Variants in EVC observed in about 807,000 individuals in gnomAD.
EVC encodes evC complex member EVC.
A neutral mutation model predicts 118.9 loss-of-function variants in EVC; 116 were observed. The observed-to-expected ratio is 0.98, with a 90% CI of 0.84 to 1.14. EVC has a LOEUF of 1.14. EVC is among the 50% of genes most tolerant of loss of function. The pLI, the probability that EVC is intolerant of heterozygous loss-of-function variation, is 0.00. For missense variants in EVC, 1,401 were observed against 1,246.4 expected (o/e 1.12, Z -1.87); for synonymous variants, 619 against 534.7 (o/e 1.16, Z -2.18).
At chr4:5,735,799 G>A (rs1016164669) in intron 5 of EVC, among the ~76,000 whole-genome samples, 2 of 152,130 alleles carry the variant, frequency 1.3e-5, no homozygotes, top group African/African-American at 4.8e-5. Flanking sequence ...CATGTTAAAG[G>A]TGCTCAGGAG....
chr4:5,818,974 A>G (rs1718084122), downstream of EVC, among the ~76,000 whole-genome samples: 1 of 152,186 alleles, frequency 6.6e-6, no homozygotes, highest in Non-Finnish European at 1.5e-5. Context: ...TTGGCAGCAC[A>G]CTTCTGGACC....
chr4:5,782,373 C>T (rs2152282668), intron 11 of EVC, among the ~76,000 whole-genome samples: 1 of 147,812 alleles, frequency 6.8e-6, no homozygotes, highest in Admixed American at 6.8e-5. Flanking sequence ...CCATGCGCAG[C>T]TATCTGTAAG....
intron 11 of EVC, among the ~76,000 whole-genome samples, chr4:5,774,914 A>G (rs1191220259): frequency 6.6e-6 from 1 of 152,158 alleles, no homozygotes; most frequent in Admixed American, 6.5e-5. Flanking sequence ...GATGTGTTTT[A>G]TGGCCTGTCA....
chr4:5,781,007 A>G (rs190248827), intron 11 of EVC, among the ~76,000 whole-genome samples: 50 of 152,346 alleles, frequency 3.3e-4, no homozygotes, highest in Admixed American at 6.5e-4. Context: ...TCTTGAGCTT[A>G]GAGTCCAGGG....
rs1475091780 is a variant in EVC at position 5,754,062 on chromosome 4, G to A, written c.1464+129G>A. ...TCTGCCTACTTCCCATGTGTCAGCC[G>A]AGTGACCGAATCTCAGTCCCTTAGC... On this transcript the variant is annotated intron_variant, in intron 10 of 20. Transcript: ENST00000264956. This position sits in a 1 kb window ranked among gnomAD's most constrained non-coding sequence, Gnocchi z 5.8. 1.9e-5 allele frequency: 23 copies of A among 1,220,304 alleles called. No homozygotes were observed. Among genetic ancestry groups the A allele is most frequent in the Middle Eastern group, 2.7e-4 (1 of 3,734 alleles). The allele number at this position is 1,220,304 out of a possible 1,614,324, so 75.6% of individuals were successfully genotyped here.
chr4:5,745,409 GA>G lies in EVC; in HGVS notation c.939+69del, dbSNP rs1729223255. On this transcript the variant is annotated intron_variant, in intron 7 of 20. Coordinates refer to ENST00000264956, the MANE Select transcript of EVC (RefSeq NM_153717.3). The stretch of plus-strand genomic sequence containing the variant: ...TAAAACAGTTAAATTGGCTACATTA[GA>G]GAGATGATAGTTAGAAGTGTGCCTA... The G allele has an allele frequency of 3.3e-6, 5 of 1,522,540 alleles. No homozygotes were observed. In the South Asian group the frequency reaches 5.6e-5, roughly 17 times the overall value. The allele number at this position is 1,522,540 out of a possible 1,614,324, so 94.3% of individuals were successfully genotyped here. A position where few individuals can be genotyped will look rare whatever the true frequency, so the allele number is the denominator to read the frequency against.
intron 9 of EVC, among the ~76,000 whole-genome samples, chr4:5,753,324 G>A (rs141164640): frequency 3.9e-5 from 6 of 152,338 alleles, no homozygotes; most frequent in South Asian, 2.1e-4. Context: ...GAGTCCCCAC[G>A]TCCTGCAGCA....
chr4:5,759,250 A>T, intron 11 of EVC, among the ~76,000 whole-genome samples: 1 of 130,476 alleles, frequency 7.7e-6, no homozygotes, highest in East Asian at 2.2e-4. Flanking sequence ...ACTGCAGGAG[A>T]CGTTGCCTAC....
intron 17 of EVC, among the ~76,000 whole-genome samples, chr4:5,807,571 C>T (rs529776759): frequency 1.3e-5 from 2 of 152,112 alleles, no homozygotes; most frequent in African/African-American, 2.4e-5. Flanking sequence ...TGCTTAGGAA[C>T]GGAGGGCATC....
intron 12 of EVC, 60 bp from the exon 13 acceptor site, chr4:5,793,548 A>C (rs1390655598): frequency 1.5e-6 from 2 of 1,352,828 alleles, no homozygotes; most frequent in Non-Finnish European, 2.1e-6. Context: ...CAATCCTAGC[A>C]AGCAGGATTG....
At chr4:5,788,066 C>T (rs1339331924) in intron 12 of EVC, among the ~76,000 whole-genome samples, 7 of 152,132 alleles carry the variant, frequency 4.6e-5, no homozygotes, top group African/African-American at 1.7e-4. Context: ...ACTGGAGAGC[C>T]CTGGGGTGCA....
chr4:5,786,943 AAAGAG>A (rs1468663425), intron 12 of EVC, among the ~76,000 whole-genome samples: 1 of 152,234 alleles, frequency 6.6e-6, no homozygotes, highest in Non-Finnish European at 1.5e-5. Flanking sequence ...TTGATGAAAA[AAAGAG>A]AAATGAGCTC....
Position 5,731,483 on chromosome 4 carries a change from T to G in EVC, c.443T>G (p.Leu148Trp), listed in dbSNP as rs200052003. The change falls in exon 4 of 21, where the codon TTG becomes TGG. Residue 148 changes from leucine (L) to tryptophan (W), a missense_variant. By Grantham distance (61) the Leu-to-Trp change is moderately conservative. Coordinates refer to ENST00000264956, the MANE Select transcript of EVC (RefSeq NM_153717.3). The surrounding 1 kb of genome is among the most constrained non-coding windows in gnomAD (Gnocchi z 5.6). ...SLHENLKQAV[L>W]PHQPVEASPS... The stretch of plus-strand genomic sequence containing the variant: ...CATGAAAACTTAAAGCAGGCTGTTT[T>G]GCCACACCAGCCGGTAGAGGCCTCT... 5.0e-6 allele frequency: 8 copies of G among 1,613,500 alleles called. No individual in the cohort carries two copies. The highest frequency in any genetic ancestry group is 6.8e-6 in the Non-Finnish European group (8 of 1,179,922).
intron 9 of EVC, 143 bp from the exon 10 acceptor site, chr4:5,753,642 A>C (rs986013243): frequency 4.4e-5 from 47 of 1,066,774 alleles, no homozygotes; most frequent in Non-Finnish European, 6.7e-5. Flanking sequence ...AGAAAAACCC[A>C]GGTGTGTCAC....
intron 12 of EVC, among the ~76,000 whole-genome samples, chr4:5,785,510 C>T (rs185787710): frequency 7.9e-5 from 12 of 152,358 alleles, no homozygotes; most frequent in Middle Eastern, 3.4e-3. Context: ...TATGCAAACA[C>T]ATGACCACTC....
rs1234404923 is a variant in EVC, at chr4:5,748,656, CCAT to C, written c.1098+352_1098+354del. Among the ~76,000 whole-genome samples the C allele has an allele frequency of 3.2e-4, 36 of 112,338 alleles. 1 individual carries two copies. The highest frequency in any genetic ancestry group is 1.3e-3 in the African/African-American group (36 of 27,736). The allele number at this position is 112,338 out of a possible 152,430, so 73.7% of individuals were successfully genotyped here. A position where few individuals can be genotyped will look rare whatever the true frequency, so the allele number is the denominator to read the frequency against. Reference sequence around the variant, plus strand: ...TCTGCCCTCCCACCCATTTATCCATCCATCCATCCCTCCATCCATCCATCCACC... The same window carrying C: ...TCTGCCCTCCCACCCATTTATCCATCCCATCCCTCCATCCATCCATCCACC... On this transcript the variant is annotated intron_variant, in intron 8 of 20. Coordinates refer to ENST00000264956, the MANE Select transcript of EVC (RefSeq NM_153717.3).
At chr4:5,778,548 A>G (rs1389984695) in intron 11 of EVC, among the ~76,000 whole-genome samples, 147 of 152,164 alleles carry the variant, frequency 9.7e-4, no homozygotes, top group Admixed American at 1.2e-3. Context: ...GTGTGAGATG[A>G]TAACTCATTG....
intron 1 of EVC, among the ~76,000 whole-genome samples, chr4:5,718,793 A>G (rs904916397): frequency 1.3e-5 from 2 of 152,236 alleles, no homozygotes; most frequent in Non-Finnish European, 2.9e-5. Flanking sequence ...AAACTACTCT[A>G]TAACTTAAGG....
intron 8 of EVC, among the ~76,000 whole-genome samples, chr4:5,750,076 A>G (rs1404588440): frequency 6.6e-6 from 1 of 152,038 alleles, no homozygotes; most frequent in Non-Finnish European, 1.5e-5. Context: ...AACACTGCCG[A>G]AAGATAGGTA....
Sources: gnomAD v4.1 joint callset for allele counts (sites outside exome capture counted in the v4.1 genomes callset) on GRCh38, gnomAD v4.1.1 for gene constraint, Gnocchi (gnomAD v3.1) non-coding constraint, MANE v1.5 for transcripts, NCBI Gene and HGNC (gene_info 2026-07-23, HGNC 2026-07-21) for gene names.